The following PRKG1 variants were observed in gnomAD, a reference collection of about 807,000 sequenced individuals.
PRKG1 encodes the protein protein kinase cGMP-dependent 1, also known as cGMP-dependent protein kinase 1.
Under a neutral mutation model 88.1 loss-of-function variants are expected in PRKG1, and 35 were observed. That is an observed-to-expected ratio of 0.40 (90% CI 0.30 to 0.53). The LOEUF (loss-of-function observed/expected upper bound fraction) is 0.53. PRKG1 is among the 20% of genes least tolerant of loss of function. PRKG1 has a pLI of 0.59. For missense variants in PRKG1, 540 were observed against 839.8 expected (o/e 0.64, Z 4.41); for synonymous variants, 303 against 292.5 (o/e 1.04, Z -0.37).
At chr10:51,658,453 C>A (rs1304828052) in intron 3 of PRKG1, among the ~76,000 whole-genome samples, 2 of 151,992 alleles carry the variant, frequency 1.3e-5, no homozygotes, top group Non-Finnish European at 2.9e-5. Context: ...CCTTCCAGAT[C>A]CTAGGGGGCA....
chr10:52,019,459 G>A (rs1474755922), intron 5 of PRKG1, among the ~76,000 whole-genome samples: 5 of 152,118 alleles, frequency 3.3e-5, no homozygotes, highest in Admixed American at 2.0e-4. Flanking sequence ...ATCTCAAAGG[G>A]GTAGAGAAAG....
chr10:51,522,454 G>A (rs1180693672), intron 3 of PRKG1, among the ~76,000 whole-genome samples: 2 of 152,184 alleles, frequency 1.3e-5, no homozygotes, highest in Non-Finnish European at 1.5e-5. Context: ...ATTAGATTAA[G>A]AAGAAAGCAG....
intron 1 of PRKG1, among the ~76,000 whole-genome samples, chr10:51,131,633 T>A (rs1343758318): frequency 6.6e-6 from 1 of 152,188 alleles, no homozygotes; most frequent in Admixed American, 6.5e-5. Context: ...CAGTGGAAGA[T>A]GAATGTGGAA....
intron 7 of PRKG1, among the ~76,000 whole-genome samples, chr10:52,124,253 A>T (rs1025183020): frequency 6.6e-6 from 1 of 152,204 alleles, no homozygotes; most frequent in Non-Finnish European, 1.5e-5. Flanking sequence ...AGCATCGTAG[A>T]GTCTACTCAC....
chr10:51,900,797 G>C (rs962243440), intron 4 of PRKG1, among the ~76,000 whole-genome samples: 4 of 151,894 alleles, frequency 2.6e-5, no homozygotes, highest in African/African-American at 4.8e-5. Flanking sequence ...AGTAAAAAAT[G>C]GTGTTCCATG....
intron 3 of PRKG1, among the ~76,000 whole-genome samples, chr10:51,583,827 C>A (rs568123211): frequency 6.6e-6 from 1 of 152,170 alleles, no homozygotes; most frequent in Admixed American, 6.6e-5. Flanking sequence ...TTGAATGCTT[C>A]ATTTTTCTTA....
At chr10:51,997,020 GA>G (rs1844463125) in intron 5 of PRKG1, among the ~76,000 whole-genome samples, 1 of 152,050 alleles carries the variant, frequency 6.6e-6, no homozygotes, top group South Asian at 2.1e-4. Flanking sequence ...GCCTGGCACA[GA>G]AAAAAGTACC....
At chr10:51,517,502 AG>A (rs911540214) in intron 3 of PRKG1, among the ~76,000 whole-genome samples, 1 of 152,182 alleles carries the variant, frequency 6.6e-6, no homozygotes, top group African/African-American at 2.4e-5. Flanking sequence ...ATGACTTCTA[AG>A]GTTTAGCTTA....
intron 9 of PRKG1, among the ~76,000 whole-genome samples, chr10:52,234,404 T>C (rs1285404610): frequency 6.6e-6 from 1 of 151,996 alleles, no homozygotes; most frequent in Non-Finnish European, 1.5e-5. Context: ...GGCAAAGCAG[T>C]TGAAAACTTT....
chr10:51,764,890 C>A (rs970622953), intron 3 of PRKG1, among the ~76,000 whole-genome samples: 1 of 152,058 alleles, frequency 6.6e-6, no homozygotes, highest in Non-Finnish European at 1.5e-5. Flanking sequence ...CTTATTAGAC[C>A]CTTTCATCTT....
intron 9 of PRKG1, among the ~76,000 whole-genome samples, chr10:52,227,774 C>T (rs901762399): frequency 6.6e-6 from 1 of 152,132 alleles, no homozygotes; most frequent in African/African-American, 2.4e-5. Context: ...GATAGATTAA[C>T]AACAAAACAT....
At chr10:51,022,673 AATT>A (rs1843154650) in intron 1 of PRKG1, among the ~76,000 whole-genome samples, 1 of 152,206 alleles carries the variant, frequency 6.6e-6, no homozygotes, top group South Asian at 2.1e-4. Flanking sequence ...TTGATATTTG[AATT>A]ATTATTATTT....
intron 1 of PRKG1, among the ~76,000 whole-genome samples, chr10:51,055,022 T>C (rs372271865): frequency 6.6e-4 from 100 of 152,314 alleles, no homozygotes; most frequent in African/African-American, 2.2e-3. Flanking sequence ...TTATTCATGA[T>C]CCCCTTCCTT....
At chr10:51,019,147 G>A (rs1338449996) in intron 1 of PRKG1, among the ~76,000 whole-genome samples, 3 of 152,028 alleles carry the variant, frequency 2.0e-5, no homozygotes, top group Non-Finnish European at 4.4e-5. Context: ...CCTCTAAACG[G>A]TCTGCTTTTT....
chr10:52,172,614 ATAAT>A (rs1447106820), intron 9 of PRKG1, among the ~76,000 whole-genome samples: 1 of 152,250 alleles, frequency 6.6e-6, no homozygotes, highest in Non-Finnish European at 1.5e-5. Context: ...ATTTGAAAAA[ATAAT>A]TATCTCTATC....
intron 5 of PRKG1, among the ~76,000 whole-genome samples, chr10:51,960,179 A>G (rs1385757900): frequency 6.6e-6 from 1 of 151,672 alleles, no homozygotes; most frequent in Non-Finnish European, 1.5e-5. Context: ...TGAAAAGGAA[A>G]TTATTTTGGA....
chr10:51,276,854 G>T (rs998016165), intron 2 of PRKG1, among the ~76,000 whole-genome samples: 11 of 152,244 alleles, frequency 7.2e-5, no homozygotes, highest in African/African-American at 2.4e-4. Context: ...GTAGATTCTG[G>T]ATATTAGCCC....
intron 1 of PRKG1, among the ~76,000 whole-genome samples, chr10:51,148,854 T>C (rs1845998792): frequency 6.6e-6 from 1 of 152,146 alleles, no homozygotes; most frequent in African/African-American, 2.4e-5. Context: ...TTAAAGTAAA[T>C]TTATATCATT....
chr10:52,143,154 T>C lies in PRKG1; in HGVS notation c.1001+9249T>C, dbSNP rs1365385989. ...ATAGAAATAGCAGCTATAAGGAGTATTCACTAACACTACTCCTGTGAGAGA... is the reference window on the plus strand; with the variant it reads ...ATAGAAATAGCAGCTATAAGGAGTACTCACTAACACTACTCCTGTGAGAGA... On this transcript the variant is annotated intron_variant, in intron 8 of 17. Coordinates refer to ENST00000373980, the MANE Select transcript of PRKG1 (RefSeq NM_006258.4). Among the ~76,000 whole-genome samples, 4 of 152,208 alleles carry C rather than the reference T, an allele frequency of 2.6e-5. 1 individual carries two copies. The East Asian group carries it at 7.7e-4, about 29-fold the overall frequency.
Sources: gnomAD v4.1 joint callset for allele counts (sites outside exome capture counted in the v4.1 genomes callset) on GRCh38, gnomAD v4.1.1 for gene constraint, MANE v1.5 for transcripts, NCBI Gene and HGNC (gene_info 2026-07-23, HGNC 2026-07-21) for gene names.